The following SMYD4 variants were observed in gnomAD, a reference collection of about 807,000 sequenced individuals.
SMYD4 encodes the protein SET and MYND domain containing 4.
Under a neutral mutation model 72.8 loss-of-function variants are expected in SMYD4, and 68 were observed. That is an observed-to-expected ratio of 0.93 (90% CI 0.77 to 1.14). SMYD4 has a LOEUF of 1.14. Ranked by LOEUF, SMYD4 falls within the 50% of genes most tolerant of loss-of-function variation. The pLI is 0.00. For synonymous variants in SMYD4, 407 were observed against 388.6 expected (o/e 1.05, Z -0.56); for missense variants, 984 against 1,003.7 (o/e 0.98, Z 0.27).
chr17:1,793,666 T>A (rs978666960), intron 5 of SMYD4, among the ~76,000 whole-genome samples: 1 of 151,946 alleles, frequency 6.6e-6, no homozygotes, highest in Non-Finnish European at 1.5e-5. Context: ...AGCAGCAATG[T>A]CAAGCTGCAA....
chr17:1,812,660 T>C (rs1373728319), intron 2 of SMYD4, among the ~76,000 whole-genome samples: 1 of 148,686 alleles, frequency 6.7e-6, no homozygotes, highest in African/African-American at 2.5e-5. Context: ...GTGATTCTCC[T>C]GCCTCAGCCT....
At chr17:1,788,795 G>T (rs1248807657) in intron 5 of SMYD4, among the ~76,000 whole-genome samples, 1 of 152,032 alleles carries the variant, frequency 6.6e-6, no homozygotes, top group Non-Finnish European at 1.5e-5. Flanking sequence ...TGGATAATTA[G>T]CACTTTAAAA....
chr17:1,784,536 C>T, intron 7 of SMYD4, 75 bp from the exon 8 acceptor site: 1 of 1,584,876 alleles, frequency 6.3e-7, no homozygotes, highest in Non-Finnish European at 8.6e-7. Flanking sequence ...CATTACAGGA[C>T]TGCTCCATAG....
At chr17:1,782,959 C>A in intron 10 of SMYD4, 76 bp downstream of exon 10, 1 of 1,545,940 alleles carries the variant, frequency 6.5e-7, no homozygotes, top group Non-Finnish European at 8.7e-7. Context: ...TTAAAAACAC[C>A]ATAGAAAAAA....
intron 10 of SMYD4, 30 bp downstream of exon 10, chr17:1,783,004 GT>G (rs1908446534): frequency 6.2e-7 from 1 of 1,608,486 alleles, no homozygotes. Context: ...AAGGAACAGT[GT>G]GTGCCCTGTG....
chr17:1,796,998 T>A (rs551977067), intron 5 of SMYD4, among the ~76,000 whole-genome samples: 17 of 152,320 alleles, frequency 1.1e-4, no homozygotes, highest in African/African-American at 3.8e-4. Context: ...AGTAGTATCA[T>A]GGGACCAGGC....
intron 5 of SMYD4, among the ~76,000 whole-genome samples, chr17:1,797,181 A>G (rs1423689747): frequency 2.0e-5 from 3 of 152,236 alleles, no homozygotes; most frequent in Admixed American, 1.3e-4. Flanking sequence ...TGTGAGATCA[A>G]ATGAGCTAAG....
intron 2 of SMYD4, 80 bp downstream of exon 2, chr17:1,827,781 A>C: frequency 6.7e-7 from 1 of 1,498,654 alleles, no homozygotes; most frequent in Non-Finnish European, 9.0e-7. Flanking sequence ...TTTAAGAAAA[A>C]GACACATTAC....
intron 7 of SMYD4, among the ~76,000 whole-genome samples, chr17:1,785,969 A>G (rs1375585747): frequency 6.6e-6 from 1 of 152,078 alleles, no homozygotes; most frequent in East Asian, 1.9e-4. Context: ...GCCGATATCT[A>G]TTTTCTCATT....
chr17:1,811,859 G>C (rs573423665), intron 3 of SMYD4, 112 bp downstream of exon 3: 1 of 1,194,514 alleles, frequency 8.4e-7, no homozygotes, highest in African/African-American at 1.5e-5. Context: ...CCCAGGAGGC[G>C]AATGTTGCAG....
intron 4 of SMYD4, among the ~76,000 whole-genome samples, chr17:1,802,078 A>T (rs932571409): frequency 4.6e-5 from 7 of 152,334 alleles, no homozygotes; most frequent in African/African-American, 1.7e-4. Flanking sequence ...TTATCTAAAA[A>T]ACAGGGATAA....
intron 5 of SMYD4, among the ~76,000 whole-genome samples, chr17:1,798,998 A>G (rs1211811369): frequency 6.6e-6 from 1 of 151,718 alleles, no homozygotes; most frequent in African/African-American, 2.4e-5. Flanking sequence ...ACAGCCAGGC[A>G]CGGTGGCTCA....
At chr17:1,801,520 A>G (rs1211193781) in intron 4 of SMYD4, among the ~76,000 whole-genome samples, 6 of 150,826 alleles carry the variant, frequency 4.0e-5, no homozygotes, top group Admixed American at 6.6e-5. Context: ...GATTACAGGC[A>G]TGAGCCACTG....
chr17:1,808,381 CA>C (rs2151242382), intron 3 of SMYD4, among the ~76,000 whole-genome samples: 1 of 152,246 alleles, frequency 6.6e-6, no homozygotes, highest in Non-Finnish European at 1.5e-5. Context: ...AGAGAAAGTG[CA>C]GCATTATCCC....
chr17:1,801,082 T>C (rs1909723226), intron 4 of SMYD4, 58 bp from the exon 5 acceptor site: 3 of 1,475,316 alleles, frequency 2.0e-6, no homozygotes, highest in Non-Finnish European at 2.7e-6. Flanking sequence ...CAATGTTTAC[T>C]GAAAATGTTT....
At chr17:1,822,918 A>G (rs1313132385) in intron 2 of SMYD4, among the ~76,000 whole-genome samples, 1 of 152,222 alleles carries the variant, frequency 6.6e-6, no homozygotes, top group Non-Finnish European at 1.5e-5. Flanking sequence ...AAAGAAAACT[A>G]TAAAACTTTA....
At chr17:1,787,396 G>A in intron 6 of SMYD4, 26 bp downstream of exon 6, 1 of 1,550,948 alleles carries the variant, frequency 6.4e-7, no homozygotes, top group Non-Finnish European at 8.7e-7. Flanking sequence ...AGAAGGGCAG[G>A]ATGGCAGTGC....
At chr17:1,796,186 G>T (rs1479959150) in intron 5 of SMYD4, among the ~76,000 whole-genome samples, 1 of 151,750 alleles carries the variant, frequency 6.6e-6, no homozygotes, top group Non-Finnish European at 1.5e-5. Context: ...AGGCTCTAGT[G>T]CAGTGGCGCA....
At chr17:1,798,137 A>AT (rs935240097) in intron 5 of SMYD4, among the ~76,000 whole-genome samples, 213 of 142,130 alleles carry the variant, frequency 1.5e-3, no homozygotes, top group South Asian at 2.9e-3. Context: ...TTGTGCATGT[A>AT]TTTTTTTTTT....
Sources: gnomAD v4.1 joint callset for allele counts (sites outside exome capture counted in the v4.1 genomes callset) on GRCh38, gnomAD v4.1.1 for gene constraint, MANE v1.5 for transcripts, NCBI Gene and HGNC (gene_info 2026-07-23, HGNC 2026-07-21) for gene names.